NOL10: variants seen among roughly 807,000 people sequenced by gnomAD.
NOL10 encodes the protein nucleolar protein 10.
A neutral mutation model predicts 103.5 loss-of-function variants in NOL10; 58 were observed. The observed-to-expected ratio is 0.56, with a 90% CI of 0.45 to 0.70. The LOEUF is 0.70. Among genes scored for constraint, NOL10 ranks in the 30% least tolerant of loss-of-function variants. The probability of loss-of-function intolerance (pLI) is 0.00; values close to 1 mark genes in which losing one functional copy is unlikely to be tolerated. For synonymous variants in NOL10, 287 were observed against 282.5 expected (o/e 1.02, Z -0.16); for missense variants, 763 against 807.3 (o/e 0.95, Z 0.67).
chr2:10,630,733 A>C (rs567998315), intron 13 of NOL10, among the ~76,000 whole-genome samples: 12 of 152,156 alleles, frequency 7.9e-5, no homozygotes, highest in South Asian at 2.1e-4. Flanking sequence ...CAAAACAAAA[A>C]AAAACCCAAA....
intron 16 of NOL10, among the ~76,000 whole-genome samples, chr2:10,601,298 C>T (rs1572267286): frequency 6.6e-6 from 1 of 152,186 alleles, no homozygotes; most frequent in African/African-American, 2.4e-5. Flanking sequence ...CTCCTGACCT[C>T]GTGATCCGCC....
Position 10,571,967 on chromosome 2 carries a change from A to G in NOL10, c.*104T>C. ...ACCTCTGTGTACAAGAACGTACATG[A>G]ACTTTAAAAACGTGTGTTTCCTCGT... is the stretch of plus-strand genomic sequence containing the variant. On this transcript the variant is annotated 3_prime_UTR_variant, in exon 21 of 21. Transcript: ENST00000381685. 1 of 1,347,784 alleles carries G rather than the reference A, an allele frequency of 7.4e-7. No individual in the cohort carries two copies. The highest frequency in any genetic ancestry group is 1.0e-6 in the Non-Finnish European group (1 of 967,958). 83.5% of individuals were successfully genotyped at this position (1,347,784 alleles called of 1,614,324 possible).
At chr2:10,639,201 T>C (rs1432588291) in intron 13 of NOL10, among the ~76,000 whole-genome samples, 1 of 151,986 alleles carries the variant, frequency 6.6e-6, no homozygotes, top group Non-Finnish European at 1.5e-5. Context: ...GGCAGGCGGA[T>C]CACAAGGTCA....
chr2:10,588,764 T>C (rs1337335630), intron 19 of NOL10, among the ~76,000 whole-genome samples: 1 of 152,236 alleles, frequency 6.6e-6, no homozygotes, highest in African/African-American at 2.4e-5. Context: ...CTCTACCCTG[T>C]ATTTTACTGC....
At chr2:10,671,431 G>A (rs564368276) in intron 6 of NOL10, 123 bp downstream of exon 6, 10 of 445,640 alleles carry the variant, frequency 2.2e-5, no homozygotes, top group South Asian at 1.7e-4. Flanking sequence ...TTTTTTACAA[G>A]AGCCACGTAT....
At chr2:10,582,629 C>A (rs1482138434) in intron 19 of NOL10, among the ~76,000 whole-genome samples, 1 of 152,166 alleles carries the variant, frequency 6.6e-6, no homozygotes, top group African/African-American at 2.4e-5. Context: ...AGAATGATGT[C>A]CCCTATGTTC....
chr2:10,597,777 T>C (rs1333066664), intron 17 of NOL10, among the ~76,000 whole-genome samples: 1 of 152,182 alleles, frequency 6.6e-6, no homozygotes, highest in Non-Finnish European at 1.5e-5. Flanking sequence ...GCTACAAAGA[T>C]CACATTTCCA....
intron 13 of NOL10, among the ~76,000 whole-genome samples, chr2:10,640,954 G>A (rs1181927094): frequency 6.6e-6 from 1 of 152,070 alleles, no homozygotes; most frequent in Non-Finnish European, 1.5e-5. Context: ...GGAGGCTGAG[G>A]CGGTGGATCA....
intron 13 of NOL10, among the ~76,000 whole-genome samples, chr2:10,616,301 T>A (rs922580719): frequency 5.6e-5 from 8 of 142,056 alleles, no homozygotes; most frequent in Non-Finnish European, 1.1e-4. Flanking sequence ...CGATCTCGGC[T>A]CACTGCAACC....
At chr2:10,606,663 T>C (rs150657022) in intron 14 of NOL10, among the ~76,000 whole-genome samples, 2 of 151,338 alleles carry the variant, frequency 1.3e-5, no homozygotes, top group South Asian at 2.1e-4. Flanking sequence ...ATCTCATAAG[T>C]ATTTGCTGTT....
chr2:10,608,784 G>A (rs1279099223), intron 13 of NOL10, among the ~76,000 whole-genome samples: 1 of 152,064 alleles, frequency 6.6e-6, no homozygotes, highest in Non-Finnish European at 1.5e-5. Context: ...TTATTTTGCC[G>A]GATTAGAAAG....
At chr2:10,674,334 G>A (rs577013735) in intron 4 of NOL10, among the ~76,000 whole-genome samples, 1 of 152,038 alleles carries the variant, frequency 6.6e-6, no homozygotes, top group Admixed American at 6.6e-5. Flanking sequence ...CCAAATTCTA[G>A]GCCAACTGAT....
At chr2:10,577,843 A>G (rs2148141641) in intron 19 of NOL10, 105 bp from the exon 20 acceptor site, 2 of 697,936 alleles carry the variant, frequency 2.9e-6, no homozygotes, top group East Asian at 2.7e-5. Context: ...ATGTTTACAC[A>G]TGTAAACAGA....
At chr2:10,607,095 A>G in intron 14 of NOL10, 90 bp downstream of exon 14, 1 of 816,580 alleles carries the variant, frequency 1.2e-6, no homozygotes, top group Non-Finnish European at 1.8e-6. Context: ...GATGAGGTAA[A>G]CATGGCTCAG....
intron 13 of NOL10, among the ~76,000 whole-genome samples, chr2:10,633,191 C>G (rs941605427): frequency 6.6e-6 from 1 of 152,002 alleles, no homozygotes; most frequent in Non-Finnish European, 1.5e-5. Flanking sequence ...AAATGAACAG[C>G]AGAACTTGGC....
At chr2:10,687,296 G>A (rs1004725206) in intron 1 of NOL10, among the ~76,000 whole-genome samples, 1 of 152,158 alleles carries the variant, frequency 6.6e-6, no homozygotes, top group Non-Finnish European at 1.5e-5. Context: ...TGCCAAAGTC[G>A]ATGGTCATTT....
At chr2:10,645,379 C>G (rs1678981325) in intron 12 of NOL10, among the ~76,000 whole-genome samples, 1 of 152,090 alleles carries the variant, frequency 6.6e-6, no homozygotes, top group African/African-American at 2.4e-5. Context: ...ATGTTAAGGG[C>G]AATGATTAGA....
chr2:10,578,328 A>G (rs1674561074), intron 19 of NOL10, among the ~76,000 whole-genome samples: 1 of 152,242 alleles, frequency 6.6e-6, no homozygotes, highest in African/African-American at 2.4e-5. Flanking sequence ...CTGTCTGATG[A>G]CGCTGAGAGA....
intron 12 of NOL10, among the ~76,000 whole-genome samples, chr2:10,651,383 CAT>C (rs746548446): frequency 2.6e-5 from 4 of 152,110 alleles, no homozygotes; most frequent in Non-Finnish European, 5.9e-5. Context: ...ATGTGAACCA[CAT>C]ATGTGATTTT....
Sources: gnomAD v4.1 joint callset for allele counts (sites outside exome capture counted in the v4.1 genomes callset) on GRCh38, gnomAD v4.1.1 for gene constraint, MANE v1.5 for transcripts, NCBI Gene and HGNC (gene_info 2026-07-23, HGNC 2026-07-21) for gene names.